Variants in CSPP1 observed in about 807,000 individuals in gnomAD.
CSPP1 encodes centrosome and spindle pole associated protein 1, also known as centrosome and spindle pole-associated protein 1.
CSPP1 carries 126 observed loss-of-function variants against 164.4 expected under a neutral mutation model. That is an observed-to-expected ratio of 0.77 (90% CI 0.66 to 0.89). CSPP1 has a LOEUF of 0.89. CSPP1 is among the 40% of genes least tolerant of loss of function. The pLI is 0.00. For synonymous variants in CSPP1, 472 were observed against 476.7 expected, an observed-to-expected ratio of 0.99 and a Z score of 0.13; for missense variants, 1,395 against 1,449.8, an observed-to-expected ratio of 0.96 and a Z score of 0.61.
intron 10 of CSPP1, among the ~76,000 whole-genome samples, chr8:67,112,415 A>G (rs761489115): frequency 1.7e-4 from 26 of 152,044 alleles, no homozygotes; most frequent in Non-Finnish European, 2.9e-5. Context: ...TTTTTGCCAT[A>G]TGAAATGGTA....
At position 67,177,671 on chromosome 8, in the gene CSPP1, T is replaced by G. The variant is rs1832018109; in HGVS notation, c.3110-9T>G. The G allele has an allele frequency of 6.2e-7, 1 of 1,601,290 alleles. No individual in the cohort carries two copies. The highest frequency in any genetic ancestry group is 1.3e-5 in the African/African-American group (1 of 74,632). On this transcript the variant is annotated splice_polypyrimidine_tract_variant and intron_variant, in intron 26 of 30. Coordinates refer to ENST00000678616, the MANE Select transcript of CSPP1 (RefSeq NM_001382391.1). ...CTTTTAATTTGCTTTTGTTCTCCAT[T>G]GACTACAGTTGACTTAGATGCCATC... is the stretch of plus-strand genomic sequence containing the variant.
Position 67,163,739 on chromosome 8 carries a change from C to G in CSPP1, c.2651C>G (p.Ser884Cys). 6.2e-7 allele frequency: 1 copy of G among 1,612,416 alleles called. No individual in the cohort carries two copies. The highest frequency in any genetic ancestry group is 8.5e-7 in the Non-Finnish European group (1 of 1,179,032). ...GTCATTATTGTTGAACAGGAAAGTT[C>G]CATGTCCAGGGCACAGTCACCCCCG... ...SIIRSFIHES[S>C]MSRAQSPPVP... Residue 884 changes from serine (S) to cysteine (C), a missense_variant, in exon 23 of 31, where the codon TCC becomes TGC. Ser to Cys is a moderately radical substitution (Grantham distance 112). Transcript: ENST00000678616.
In CSPP1 at chr8:67,195,765, G is replaced by A; in HGVS notation, c.*172G>A. 3 of 596,468 alleles carry A rather than the reference G, an allele frequency of 5.0e-6. No homozygotes were observed. In the South Asian group the frequency reaches 6.6e-5, roughly 13 times the overall value. The allele number at this position is 596,468 out of a possible 1,614,324, so 36.9% of individuals were successfully genotyped here. On this transcript the variant is annotated 3_prime_UTR_variant, in exon 31 of 31. Transcript: ENST00000678616. ...ATTATGTACATAAATAAAAGGCCAT[G>A]ATTATTGATTTATATAATAGAATTG...
rs764231368 is a variant in CSPP1, at chr8:67,115,997, G to A, written c.1371G>A (p.Gln457=). Residue 457 remains glutamine (Q), a synonymous_variant, in exon 13 of 31, where the codon CAG becomes CAA. Transcript: ENST00000678616. ...IPPERPRIAF[Q]TPLPPLSAPS... is the part of the protein sequence containing the mutation. ...CTGAAAGACCCAGAATAGCTTTCCA[G>A]ACACCTCTCCCTCCTTTATCTGCCC... 1 of 1,613,864 alleles carries A rather than the reference G, an allele frequency of 6.2e-7. No individual in the cohort carries two copies. The highest frequency in any genetic ancestry group is 8.5e-7 in the Non-Finnish European group (1 of 1,179,902).
chr8:67,132,041 ACAGT>A lies in CSPP1; in HGVS notation c.1791_1794del (p.Gln597HisfsTer34). The A allele has an allele frequency of 6.2e-7, 1 of 1,613,864 alleles. No individual in the cohort carries two copies. The highest frequency in any genetic ancestry group is 8.5e-7 in the Non-Finnish European group (1 of 1,179,874). Reference sequence around the variant, plus strand: ...TTGAAGATAAACCGAAACCTTCCAAACAGTCACTTCAGTCTTACCAAGAGGCTTT... The same window carrying A: ...TTGAAGATAAACCGAAACCTTCCAAACACTTCAGTCTTACCAAGAGGCTTT... On this transcript the variant is annotated frameshift_variant, in exon 16 of 31. Transcript: ENST00000678616. LOFTEE classifies it high-confidence loss of function.
rs760331703 is a variant in CSPP1 at position 67,142,977 on chromosome 8, G to T, written c.1975+5374G>T. Among the ~76,000 whole-genome samples, 3 of 152,136 alleles carry T rather than the reference G, an allele frequency of 2.0e-5. No individual in the cohort carries two copies. In the South Asian group the frequency reaches 6.2e-4, roughly 31 times the overall value. ...TCACCTTGTTTCCCCTGACGTTAACGTCTTAGATAATCATGGCACAATGAT... is the reference window on the plus strand; with the variant it reads ...TCACCTTGTTTCCCCTGACGTTAACTTCTTAGATAATCATGGCACAATGAT... On this transcript the variant is annotated intron_variant, in intron 17 of 30. Transcript: ENST00000678616.
intron 18 of CSPP1, among the ~76,000 whole-genome samples, chr8:67,153,706 TTTC>T (rs1184239172): frequency 6.6e-6 from 1 of 152,170 alleles, no homozygotes; most frequent in East Asian, 1.9e-4. Context: ...ATGTCCTTTT[TTTC>T]TTTATAAATT....
At chr8:67,159,861 T>C (rs1175486009) in intron 21 of CSPP1, among the ~76,000 whole-genome samples, 4 of 21,970 alleles carry the variant, frequency 1.8e-4, no homozygotes, top group Non-Finnish European at 3.2e-4. Context: ...TTTTTCTTTC[T>C]TTCTTTCTTT....
At chr8:67,180,022 G>T (rs1832640653) in intron 28 of CSPP1, 96 bp downstream of exon 28, 5 of 531,228 alleles carry the variant, frequency 9.4e-6, no homozygotes, top group Non-Finnish European at 1.6e-5. Context: ...GTACAAGGTA[G>T]TAAAAAAAAA....
At chr8:67,072,369 T>C (rs926909881) in intron 1 of CSPP1, among the ~76,000 whole-genome samples, 3 of 151,988 alleles carry the variant, frequency 2.0e-5, no homozygotes, top group African/African-American at 7.2e-5. Context: ...TTGATAAAAA[T>C]TATAAACTTT....
At position 67,118,254 on chromosome 8, in the gene CSPP1, AC is replaced by A. The variant is rs1818317027; in HGVS notation, c.1505del (p.Pro502LeufsTer43). 2.5e-6 allele frequency: 4 copies of A among 1,613,318 alleles called. No homozygotes were observed. Among genetic ancestry groups the A allele is most frequent in the Admixed American group, 3.3e-5 (2 of 59,964 alleles). ...CATCTTTCTTTTCATACAGGATTGC[AC>A]CTCTGCCTCCACCTCCCCTACTACC... ...LGEMVSPRIA[P>X]LPPPPLLPPL... On this transcript the variant is annotated frameshift_variant, in exon 14 of 31. Transcript: ENST00000678616. LOFTEE classifies it high-confidence loss of function.
At chr8:67,072,062 C>CT (rs1268898244) in intron 1 of CSPP1, among the ~76,000 whole-genome samples, 2 of 152,116 alleles carry the variant, frequency 1.3e-5, no homozygotes, top group Non-Finnish European at 2.9e-5. Flanking sequence ...GCAGGTGGAT[C>CT]ACAAGGTCAG....
At chr8:67,133,256 G>T (rs1164535031) in intron 16 of CSPP1, among the ~76,000 whole-genome samples, 1 of 152,132 alleles carries the variant, frequency 6.6e-6, no homozygotes, top group Non-Finnish European at 1.5e-5. Context: ...CTTGTTTATT[G>T]CCTATCTGTA....
chr8:67,158,337 T>C (rs1827062125), intron 19 of CSPP1, 110 bp from the exon 20 acceptor site: 2 of 1,208,564 alleles, frequency 1.7e-6, no homozygotes, highest in Non-Finnish European at 2.2e-6. Flanking sequence ...TTTAGGAACA[T>C]GCAAAAAGAG....
intron 9 of CSPP1, among the ~76,000 whole-genome samples, chr8:67,109,701 A>G (rs887768891): frequency 1.3e-5 from 2 of 152,116 alleles, no homozygotes; most frequent in Non-Finnish European, 1.5e-5. Context: ...TGTCCGAACT[A>G]GTACCCCAGG....
chr8:67,106,239 A>T (rs1342855743), intron 9 of CSPP1, among the ~76,000 whole-genome samples: 1 of 151,860 alleles, frequency 6.6e-6, no homozygotes, highest in East Asian at 1.9e-4. Flanking sequence ...TTAAAGCTAA[A>T]TTATTTAGTG....
rs546417373 is a variant in CSPP1, at chr8:67,087,462, C to T, written c.303+1352C>T. 8.5e-5 allele frequency among the ~76,000 whole-genome samples: 13 copies of T among 152,214 alleles called. No individual in the cohort carries two copies. In the South Asian group the frequency reaches 1.7e-3, roughly 19 times the overall value. Reference sequence around the variant, plus strand: ...TTTAGTTGTAGAGATAGCATTCATACGATTCAGAAAGTGGTAACTACAAGA... The same window carrying T: ...TTTAGTTGTAGAGATAGCATTCATATGATTCAGAAAGTGGTAACTACAAGA... On this transcript the variant is annotated intron_variant, in intron 4 of 30. Coordinates refer to ENST00000678616, the MANE Select transcript of CSPP1 (RefSeq NM_001382391.1).
chr8:67,105,436 A>G (rs1287620172), intron 8 of CSPP1, among the ~76,000 whole-genome samples: 1 of 152,134 alleles, frequency 6.6e-6, no homozygotes, highest in Non-Finnish European at 1.5e-5. Flanking sequence ...GCTGGAGCAC[A>G]ATGATGCTAT....
intron 26 of CSPP1, 121 bp downstream of exon 26, chr8:67,175,557 A>G: frequency 8.4e-7 from 1 of 1,185,870 alleles, no homozygotes; most frequent in Non-Finnish European, 1.2e-6. Context: ...CCCCATGCTC[A>G]CAGGGTCCGT....
Sources: allele counts gnomAD v4.1 joint callset (sites outside exome capture counted in the v4.1 genomes callset), GRCh38; gene constraint gnomAD v4.1.1; transcripts MANE v1.5; gene names NCBI Gene and HGNC (gene_info 2026-07-23, HGNC 2026-07-21).